The following HNMT variants were observed in gnomAD, a reference collection of about 807,000 sequenced individuals.
The protein encoded by HNMT is histamine N-methyltransferase.
HNMT carries 30 observed loss-of-function variants against 32.1 expected under a neutral mutation model. The ratio of observed to expected loss-of-function variants is 0.93; its 90% CI spans 0.70 to 1.27. The LOEUF is 1.27. Ranked by LOEUF, HNMT falls within the 50% of genes most tolerant of loss-of-function variation. The probability of loss-of-function intolerance (pLI) is 0.00; values close to 1 mark genes in which losing one functional copy is unlikely to be tolerated. For synonymous variants in HNMT, 125 were observed against 119.0 expected (o/e 1.05, Z -0.33); for missense variants, 327 against 346.0 (o/e 0.95, Z 0.43).
chr2:137,981,082 C>T, intron 2 of HNMT: 2 of 1,093,138 alleles, frequency 1.8e-6, no homozygotes, highest in Non-Finnish European at 2.5e-6. Context: ...AATCTTAATG[C>T]AACATGTAAT....
chr2:138,011,385 T>C (rs1242751367), intron 5 of HNMT, among the ~76,000 whole-genome samples: 2 of 152,144 alleles, frequency 1.3e-5, no homozygotes, highest in African/African-American at 4.8e-5. Flanking sequence ...ACAGAGGTTT[T>C]ATTCTTTCTG....
At chr2:137,970,121 C>A in intron 1 of HNMT, 44 bp from the exon 2 acceptor site, 1 of 1,025,110 alleles carries the variant, frequency 9.8e-7, no homozygotes, top group Non-Finnish European at 1.5e-6. Flanking sequence ...TTTCACAAAG[C>A]ACCTAACACA....
intron 2 of HNMT, chr2:137,981,689 A>C: frequency 6.1e-6 from 2 of 327,582 alleles, no homozygotes; most frequent in Non-Finnish European, 1.1e-5. Flanking sequence ...TCTCCATATA[A>C]TGCCTGTAAT....
chr2:137,973,449 T>G (rs1680193968), intron 2 of HNMT, among the ~76,000 whole-genome samples: 1 of 152,212 alleles, frequency 6.6e-6, no homozygotes, highest in Non-Finnish European at 1.5e-5. Flanking sequence ...TATTGTCCCA[T>G]GGCTTGAGTA....
intron 2 of HNMT, among the ~76,000 whole-genome samples, chr2:137,985,581 T>G (rs1680629084): frequency 6.6e-6 from 1 of 152,222 alleles, no homozygotes; most frequent in Non-Finnish European, 1.5e-5. Context: ...AGTCTGTCTA[T>G]GCATTCATGC....
chr2:137,976,195 G>T (rs561048306), intron 2 of HNMT, among the ~76,000 whole-genome samples: 1 of 151,568 alleles, frequency 6.6e-6, no homozygotes, highest in African/African-American at 2.4e-5. Context: ...GAACCTGGGA[G>T]GAGGAGGTTG....
intron 2 of HNMT, among the ~76,000 whole-genome samples, chr2:137,971,674 T>C (rs1184420999): frequency 6.6e-6 from 1 of 152,162 alleles, no homozygotes; most frequent in Admixed American, 6.5e-5. Flanking sequence ...GAGAGTGATA[T>C]AGGTAACATT....
chr2:137,980,853 TAGAG>T (rs769263306), intron 2 of HNMT, among the ~76,000 whole-genome samples: 9 of 152,158 alleles, frequency 5.9e-5, no homozygotes, highest in African/African-American at 7.2e-5. Context: ...TGGAGGGAGA[TAGAG>T]AGAGAAAAAG....
intron 5 of HNMT, among the ~76,000 whole-genome samples, chr2:138,006,307 T>C (rs1681329659): frequency 6.6e-6 from 1 of 152,000 alleles, no homozygotes. Context: ...TTATCAACAT[T>C]GTAGGCAGCC....
intron 1 of HNMT, chr2:137,967,410 G>T: frequency 3.0e-6 from 1 of 332,180 alleles, no homozygotes; most frequent in East Asian, 4.9e-5. Flanking sequence ...TCAAACAAGA[G>T]AAAAAAATAA....
intron 4 of HNMT, chr2:138,002,734 A>G (rs1681212694): frequency 1.1e-6 from 1 of 904,816 alleles, no homozygotes; most frequent in Admixed American, 6.2e-5. Flanking sequence ...GGTGTGAGCC[A>G]CTGCACCCAG....
At chr2:137,990,054 C>T (rs769127035) in intron 2 of HNMT, among the ~76,000 whole-genome samples, 11 of 152,116 alleles carry the variant, frequency 7.2e-5, no homozygotes, top group Admixed American at 2.6e-4. Flanking sequence ...ATTCTCTTGA[C>T]ATTTTCTTTT....
At chr2:137,980,766 T>A (rs1680469313) in intron 2 of HNMT, among the ~76,000 whole-genome samples, 1 of 152,168 alleles carries the variant, frequency 6.6e-6, no homozygotes, top group Non-Finnish European at 1.5e-5. Flanking sequence ...TTCTTGAAAC[T>A]CTACAGCTAT....
Position 138,015,133 on chromosome 2 carries a change from CAA to C in HNMT, c.*1004_*1005del, listed in dbSNP as rs1228429513. The C allele has an allele frequency of 6.6e-6, 1 of 151,942 alleles. No individual in the cohort carries two copies. Among genetic ancestry groups the C allele is most frequent in the African/African-American group, 2.4e-5 (1 of 41,376 alleles). 9.4% of individuals were successfully genotyped at this position (151,942 alleles called of 1,614,324 possible). Reference sequence around the variant, plus strand: ...TCACTCTCAAGAACTCCTATAAGACCAAGAGTCATCTTTGGACTGTAGGATTT... The same window carrying C: ...TCACTCTCAAGAACTCCTATAAGACCGAGTCATCTTTGGACTGTAGGATTT... On this transcript the variant is annotated 3_prime_UTR_variant, in exon 6 of 6. Transcript: ENST00000280097.
rs1346987678 is a variant in HNMT at position 138,004,211 on chromosome 2, T to C, written c.430-921T>C. Among the ~76,000 whole-genome samples the C allele has an allele frequency of 3.3e-5, 5 of 152,098 alleles. No homozygotes were observed. In the South Asian group the frequency reaches 6.2e-4, roughly 19 times the overall value. The stretch of plus-strand genomic sequence containing the variant: ...TAGCCATCATATTGATTCACTATAT[T>C]TGGGTACCTGCCTATGGTCCCTGTG... On this transcript the variant is annotated intron_variant, in intron 4 of 5. Transcript: ENST00000280097.
chr2:137,968,622 A>C (rs995882923), intron 1 of HNMT, among the ~76,000 whole-genome samples: 2 of 152,228 alleles, frequency 1.3e-5, no homozygotes, highest in Non-Finnish European at 2.9e-5. Flanking sequence ...GCTCTGCTTC[A>C]TAGCCTCCCT....
At chr2:137,985,926 A>G (rs3113211) in intron 2 of HNMT, among the ~76,000 whole-genome samples, 147,871 of 152,136 alleles carry the variant, frequency 0.97, 71,992 homozygotes, top group South Asian at 1. Flanking sequence ...CCAAAATCAC[A>G]CCACTGCACT....
In HNMT at chr2:137,982,306, T is replaced by G. The variant is rs566686200; in HGVS notation, c.190+12089T>G. Among the ~76,000 whole-genome samples the G allele has an allele frequency of 5.9e-5, 9 of 152,356 alleles. No homozygotes were observed. In the East Asian group the frequency reaches 1.7e-3, roughly 29 times the overall value. ...AATGAGACACTGCTTTTCTTTGTTT[T>G]TGAACTTAACAAGTTCCACATTCAG... On this transcript the variant is annotated intron_variant, in intron 2 of 5. Coordinates refer to ENST00000280097, the MANE Select transcript of HNMT (RefSeq NM_006895.3).
At chr2:137,975,598 T>C (rs1218441661) in intron 2 of HNMT, among the ~76,000 whole-genome samples, 1 of 152,224 alleles carries the variant, frequency 6.6e-6, no homozygotes, top group Non-Finnish European at 1.5e-5. Flanking sequence ...TATCAGATTA[T>C]TAACCTTGTC....
Sources: gnomAD v4.1 joint callset for allele counts (sites outside exome capture counted in the v4.1 genomes callset) on GRCh38, gnomAD v4.1.1 for gene constraint, MANE v1.5 for transcripts, NCBI Gene and HGNC (gene_info 2026-07-23, HGNC 2026-07-21) for gene names.